The following NEDD4L variants were observed in gnomAD, a reference collection of about 807,000 sequenced individuals.
NEDD4L encodes E3 ubiquitin-protein ligase NEDD4-like.
NEDD4L carries 54 observed loss-of-function variants against 148.9 expected under a neutral mutation model. The ratio of observed to expected loss-of-function variants is 0.36; its 90% confidence interval spans 0.29 to 0.45. The LOEUF is 0.45. Among genes scored for constraint, NEDD4L ranks in the 20% least tolerant of loss-of-function variants. NEDD4L has a pLI of 1.00. For missense variants in NEDD4L, 856 were observed against 1,233.8 expected, an observed-to-expected ratio of 0.69 and a Z score of 4.59; for synonymous variants, 433 against 440.7, an observed-to-expected ratio of 0.98 and a Z score of 0.22.
chr18:58,065,824 G>GA (rs2082563035), intron 1 of NEDD4L, among the ~76,000 whole-genome samples: 1 of 152,238 alleles, frequency 6.6e-6, no homozygotes, highest in Admixed American at 6.5e-5. Flanking sequence ...TATTCCCTGG[G>GA]AAAAAACGTG....
At chr18:58,277,720 A>G (rs1305212007) in intron 5 of NEDD4L, among the ~76,000 whole-genome samples, 1 of 152,198 alleles carries the variant, frequency 6.6e-6, no homozygotes, top group Non-Finnish European at 1.5e-5. Context: ...GATACTGTAC[A>G]TTTAAAGATA....
intron 1 of NEDD4L, among the ~76,000 whole-genome samples, chr18:58,084,772 G>A (rs1326812339): frequency 6.6e-6 from 1 of 151,218 alleles, no homozygotes; most frequent in Non-Finnish European, 1.5e-5. Context: ...ATGGCTCATT[G>A]CAGCCTCAAC....
chr18:58,044,773 A>G (rs1391991466), intron 1 of NEDD4L, 65 bp downstream of exon 1: 7 of 1,562,520 alleles, frequency 4.5e-6, no homozygotes, highest in Non-Finnish European at 5.2e-6. Context: ...CGGCAGGGGG[A>G]GGGGAAAGGG....
At chr18:58,081,494 T>C (rs60455754) in intron 1 of NEDD4L, among the ~76,000 whole-genome samples, 11,574 of 152,014 alleles carry the variant, frequency 0.076, 514 homozygotes, top group East Asian at 0.17. Context: ...CGATTACAGG[T>C]GTGAGCCACC....
chr18:58,180,809 T>C (rs1288974818), intron 2 of NEDD4L, among the ~76,000 whole-genome samples: 1 of 152,232 alleles, frequency 6.6e-6, no homozygotes, highest in Non-Finnish European at 1.5e-5. Flanking sequence ...AAGGAAAGCC[T>C]CCTGCAGAGG....
chr18:58,256,741 C>T lies in NEDD4L; in HGVS notation c.297+4687C>T, dbSNP rs1423325579. ...CCCAGAATCCCGAGGAGAAAAGCGC[C>T]AAAAGCCCTGTTTCCACGGGAGCTG... On this transcript the variant is annotated intron_variant, in intron 5 of 30. Transcript: ENST00000400345. This position sits in a 1 kb window ranked among gnomAD's most constrained non-coding sequence, Gnocchi z 5.2. The T allele has an allele frequency of 8.1e-7, 1 of 1,231,934 alleles. No homozygotes were observed. The highest frequency in any genetic ancestry group is 1.6e-5 in the African/African-American group (1 of 64,426). The allele number at this position is 1,231,934 out of a possible 1,614,324, so 76.3% of individuals were successfully genotyped here.
At chr18:58,213,772 C>G (rs1236251301) in intron 2 of NEDD4L, among the ~76,000 whole-genome samples, 1 of 151,308 alleles carries the variant, frequency 6.6e-6, no homozygotes, top group Non-Finnish European at 1.5e-5. Flanking sequence ...TTTTTTAATT[C>G]TAGTCTGTTC....
intron 24 of NEDD4L, among the ~76,000 whole-genome samples, chr18:58,378,497 C>T (rs958087750): frequency 2.0e-5 from 3 of 152,170 alleles, no homozygotes; most frequent in South Asian, 2.1e-4. Flanking sequence ...GCTGAGGCCC[C>T]GGCCCCTTCA....
chr18:58,089,706 C>T lies in NEDD4L; in HGVS notation c.48+44998C>T, dbSNP rs147759386. 8.9e-3 allele frequency among the ~76,000 whole-genome samples: 1,349 copies of T among 152,292 alleles called. 8 individuals are homozygous for T. The highest frequency in any genetic ancestry group is 0.034 in the Middle Eastern group (10 of 294). On this transcript the variant is annotated intron_variant, in intron 1 of 30. Coordinates refer to ENST00000400345, the MANE Select transcript of NEDD4L (RefSeq NM_001144967.3). ...GCTTAAACTAAGCAGATATTCTTTCCTGGCAGTTCTACAGGCCAGAAGCCT... is the reference window on the plus strand; with the variant it reads ...GCTTAAACTAAGCAGATATTCTTTCTTGGCAGTTCTACAGGCCAGAAGCCT...
At chr18:58,201,904 T>G (rs1185261677) in intron 2 of NEDD4L, among the ~76,000 whole-genome samples, 1 of 152,240 alleles carries the variant, frequency 6.6e-6, no homozygotes, top group Non-Finnish European at 1.5e-5. Flanking sequence ...AACTCTGTGC[T>G]ATACGCTGAC....
intron 20 of NEDD4L, among the ~76,000 whole-genome samples, chr18:58,365,289 AATG>A (rs1458303152): frequency 6.6e-6 from 1 of 152,164 alleles, no homozygotes; most frequent in East Asian, 1.9e-4. Flanking sequence ...GTCCCCTGGT[AATG>A]ATGATGACTG....
intron 2 of NEDD4L, among the ~76,000 whole-genome samples, chr18:58,212,761 C>T (rs1215888552): frequency 6.8e-6 from 1 of 147,764 alleles, no homozygotes; most frequent in Non-Finnish European, 1.5e-5. Flanking sequence ...CATGATCCAC[C>T]ATACCTAGCC....
chr18:58,120,723 T>C (rs535542590), intron 1 of NEDD4L, among the ~76,000 whole-genome samples: 50 of 152,220 alleles, frequency 3.3e-4, no homozygotes, highest in African/African-American at 1.2e-3. Context: ...GAGCTTGCGG[T>C]GAGCCGAGAT....
rs2048534796 is a variant in NEDD4L at position 58,256,218 on chromosome 18, A to G, written c.297+4164A>G. ...GAGGCTGCCCCGGGCCTGCGCATCC[A>G]GCACCGCGCCTCCAGCGCCGACGTG... On this transcript the variant is annotated intron_variant, in intron 5 of 30. Transcript: ENST00000400345. The surrounding 1 kb of genome is among the most constrained non-coding windows in gnomAD (Gnocchi z 5.2). 2 of 1,224,000 alleles carry G rather than the reference A, an allele frequency of 1.6e-6. No individual in the cohort carries two copies. Among genetic ancestry groups the G allele is most frequent in the East Asian group, 3.2e-5 (1 of 30,904 alleles). 75.8% of individuals were successfully genotyped at this position (1,224,000 alleles called of 1,614,324 possible). A position where few individuals can be genotyped will look rare whatever the true frequency, so the allele number is the denominator to read the frequency against.
chr18:58,214,799 C>CTTTCTTT lies in NEDD4L; in HGVS notation c.123-30628_123-30627insTTTCTTT, dbSNP rs202229202. Among the ~76,000 whole-genome samples the CTTTCTTT allele has an allele frequency of 4.5e-3, 274 of 60,708 alleles. 1 individual carries two copies. The highest frequency in any genetic ancestry group is 0.011 in the South Asian group (20 of 1,876). 39.8% of individuals were successfully genotyped at this position (60,708 alleles called of 152,430 possible). ...GGTATTTCTGTTTCTTTCTTTCTTT[C>CTTTCTTT]ATTTTTTTTTTTTTTTTTGTTGTTG... On this transcript the variant is annotated intron_variant, in intron 2 of 30. Transcript: ENST00000400345.
chr18:58,255,840 A>C (rs2035705433), intron 5 of NEDD4L: 2 of 1,232,450 alleles, frequency 1.6e-6, no homozygotes, highest in Admixed American at 4.2e-5. Flanking sequence ...GGTGCGCTTA[A>C]GCGGAGCTCG....
chr18:58,392,484 G>A lies in NEDD4L; in HGVS notation c.2825+925G>A, dbSNP rs561818709. On this transcript the variant is annotated intron_variant, in intron 30 of 30. Transcript: ENST00000400345. ...ATGAACATGTGTTTGCGAAAAATTG[G>A]CTGTGAAAGGTTTTTCACTTCTGTC... 7.2e-5 allele frequency among the ~76,000 whole-genome samples: 11 copies of A among 152,268 alleles called. No individual in the cohort carries two copies. The East Asian group carries it at 2.1e-3, about 29-fold the overall frequency.
At chr18:58,232,140 T>C (rs1225104263) in intron 2 of NEDD4L, among the ~76,000 whole-genome samples, 1 of 152,148 alleles carries the variant, frequency 6.6e-6, no homozygotes, top group African/African-American at 2.4e-5. Flanking sequence ...GGCAAAAACT[T>C]GTAATGCTCA....
At chr18:58,263,914 T>C (rs2049848126) in intron 5 of NEDD4L, among the ~76,000 whole-genome samples, 1 of 149,576 alleles carries the variant, frequency 6.7e-6, no homozygotes, top group Admixed American at 6.6e-5. Flanking sequence ...TCTTAAACTT[T>C]GTAAGGAATT....
Sources: gnomAD v4.1 joint callset for allele counts (sites outside exome capture counted in the v4.1 genomes callset) on GRCh38, gnomAD v4.1.1 for gene constraint, Gnocchi (gnomAD v3.1) non-coding constraint, MANE v1.5 for transcripts, NCBI Gene and HGNC (gene_info 2026-07-23, HGNC 2026-07-21) for gene names.